YME1L1: variants seen among roughly 807,000 people sequenced by gnomAD.
YME1L1 encodes the protein ATP-dependent zinc metalloprotease YME1L1.
YME1L1 carries 39 observed loss-of-function variants against 90.4 expected under a neutral mutation model. That is an observed-to-expected ratio of 0.43 (90% CI 0.33 to 0.56). The LOEUF is 0.56. Ranked by LOEUF, YME1L1 falls within the 20% of genes least tolerant of loss-of-function variation. The probability of loss-of-function intolerance (pLI) is 0.03; values close to 1 mark genes in which losing one functional copy is unlikely to be tolerated. For synonymous variants in YME1L1, 284 were observed against 287.3 expected, an observed-to-expected ratio of 0.99 and a Z score of 0.12; for missense variants, 617 against 868.4, an observed-to-expected ratio of 0.71 and a Z score of 3.64.
Position 27,123,400 on chromosome 10 carries a change from A to G in YME1L1, c.1102+147T>C, listed in dbSNP as rs932417548. 1.0e-5 allele frequency: 9 copies of G among 893,432 alleles called. No individual in the cohort carries two copies. In the South Asian group the frequency reaches 1.4e-4, roughly 14 times the overall value. The allele number at this position is 893,432 out of a possible 1,614,324, so 55.3% of individuals were successfully genotyped here. On this transcript the variant is annotated intron_variant, in intron 10 of 18. Coordinates refer to ENST00000376016, the MANE Select transcript of YME1L1 (RefSeq NM_014263.4). ...CCCACAATGGCTATTTTAACTATCA[A>G]TCAAAACTAATTAGCATGCAAAGCT...
intron 18 of YME1L1, among the ~76,000 whole-genome samples, chr10:27,113,526 G>T (rs2056780927): frequency 6.6e-6 from 1 of 151,540 alleles, no homozygotes; most frequent in South Asian, 2.1e-4. Flanking sequence ...CAAAAAATTA[G>T]CCAGGCATGG....
intron 8 of YME1L1, among the ~76,000 whole-genome samples, chr10:27,130,810 G>A (rs1163403117): frequency 2.0e-5 from 3 of 152,218 alleles, no homozygotes; most frequent in Non-Finnish European, 4.4e-5. Flanking sequence ...CCGAGATCAC[G>A]CCATTGCACG....
At chr10:27,120,182 T>C (rs2056852437) in intron 13 of YME1L1, among the ~76,000 whole-genome samples, 1 of 152,208 alleles carries the variant, frequency 6.6e-6, no homozygotes, top group Admixed American at 6.6e-5. Flanking sequence ...TGTATGTATA[T>C]GTATGTATCC....
intron 4 of YME1L1, among the ~76,000 whole-genome samples, chr10:27,137,233 T>C (rs1432576747): frequency 6.6e-6 from 1 of 152,218 alleles, no homozygotes; most frequent in Non-Finnish European, 1.5e-5. Context: ...ACACAGGTGC[T>C]CTTTCTATAA....
intron 4 of YME1L1, among the ~76,000 whole-genome samples, chr10:27,139,999 T>C (rs1176800726): frequency 6.6e-6 from 1 of 152,180 alleles, no homozygotes; most frequent in African/African-American, 2.4e-5. Flanking sequence ...TTTCTATCTT[T>C]ATATCTTAAA....
chr10:27,144,689 C>T (rs4749228), intron 3 of YME1L1, among the ~76,000 whole-genome samples: 22,019 of 152,068 alleles, frequency 0.14, 1,913 homozygotes, highest in Admixed American at 0.22. Flanking sequence ...TGTGTGTCAC[C>T]TAAAATTAAA....
chr10:27,145,466 G>C lies in YME1L1; in HGVS notation c.293C>G (p.Ser98Cys). ...GKNISSHWHT[S>C]HVSAQSFFEN... is the part of the protein sequence containing the mutation. ...AAAGAAGGATTGTGCAGAGACATGG[G>C]ATGTATGCCAATGGGAAGAAATGTT... The change falls in exon 3 of 19, where the codon TCC (serine) becomes TGC (cysteine). Residue 98 changes from serine (S) to cysteine (C), a missense_variant. Coordinates refer to ENST00000376016, the MANE Select transcript of YME1L1 (RefSeq NM_014263.4). The C allele has an allele frequency of 1.2e-6, 2 of 1,613,138 alleles. No homozygotes were observed. The highest frequency in any genetic ancestry group is 2.2e-5 in the South Asian group (2 of 90,996).
chr10:27,140,776 C>T (rs1219769208), intron 4 of YME1L1, among the ~76,000 whole-genome samples: 4 of 152,196 alleles, frequency 2.6e-5, no homozygotes, highest in East Asian at 1.9e-4. Context: ...TGTGCCTGGC[C>T]GTATTTAGGT....
intron 13 of YME1L1, 136 bp downstream of exon 13, chr10:27,120,299 C>A: frequency 1.6e-6 from 1 of 613,084 alleles, no homozygotes; most frequent in Non-Finnish European, 2.8e-6. Context: ...TTTAAACGAA[C>A]ATACTAATGG....
At chr10:27,122,355 G>C (rs1021973295) in intron 11 of YME1L1, among the ~76,000 whole-genome samples, 11 of 152,218 alleles carry the variant, frequency 7.2e-5, no homozygotes, top group East Asian at 1.9e-4. Context: ...TTGCTCCTGG[G>C]CTTCCTATGT....
rs929841862 is a variant in YME1L1, at chr10:27,143,095, T to C, written c.332-610A>G. Among the ~76,000 whole-genome samples the C allele has an allele frequency of 2.6e-5, 4 of 151,962 alleles. No homozygotes were observed. The South Asian group carries it at 8.4e-4, about 32-fold the overall frequency. ...ATAAACAGTGATAAAAATGGCCTGG[T>C]GTGGTGGCTCACGCCTGTAATTCCA... On this transcript the variant is annotated intron_variant, in intron 3 of 18. Coordinates refer to ENST00000376016, the MANE Select transcript of YME1L1 (RefSeq NM_014263.4).
intron 2 of YME1L1, chr10:27,147,555 G>C (rs1180694483): frequency 6.2e-7 from 1 of 1,607,846 alleles, no homozygotes; most frequent in Non-Finnish European, 8.5e-7. Context: ...TTGTGTCCAA[G>C]CTCTTCTTCA....
At chr10:27,149,261 T>C (rs765295923) in intron 1 of YME1L1, among the ~76,000 whole-genome samples, 6 of 152,188 alleles carry the variant, frequency 3.9e-5, no homozygotes, top group Non-Finnish European at 5.9e-5. Context: ...CAAAAATACA[T>C]ACATTTCTTG....
chr10:27,116,221 G>C lies in YME1L1; in HGVS notation c.1844C>G (p.Thr615Arg), dbSNP rs748785438. Residue 615 changes from threonine (T) to arginine (R), a missense_variant and splice_region_variant, in exon 16 of 19, where the codon ACA becomes AGA. Thr to Arg is a moderately conservative substitution (Grantham distance 71). Coordinates refer to ENST00000376016, the MANE Select transcript of YME1L1 (RefSeq NM_014263.4). ...TAAAGCCATTCTTTAAAGCTAACCT[G>C]TTGTAATATGGTCGGTTCCAAATAT... ...ELIFGTDHITTGASSDFDNAT... is the reference protein window; with the variant it reads ...ELIFGTDHITRGASSDFDNAT... 6.2e-7 allele frequency: 1 copy of C among 1,614,078 alleles called. No homozygotes were observed.
chr10:27,147,846 G>A (rs566300579), intron 2 of YME1L1, among the ~76,000 whole-genome samples: 2 of 152,250 alleles, frequency 1.3e-5, no homozygotes, highest in Non-Finnish European at 2.9e-5. Context: ...GGCACCACTC[G>A]TGTAACAGCT....
At chr10:27,124,354 T>C (rs2056896468) in intron 9 of YME1L1, among the ~76,000 whole-genome samples, 1 of 152,220 alleles carries the variant, frequency 6.6e-6, no homozygotes, top group South Asian at 2.1e-4. Context: ...AGGATATGGA[T>C]GTTAATTGTA....
chr10:27,142,394 G>A lies in YME1L1; in HGVS notation c.423C>T (p.Tyr141=). The A allele has an allele frequency of 2.7e-6, 4 of 1,488,528 alleles. No individual in the cohort carries two copies. Among genetic ancestry groups the A allele is most frequent in the South Asian group, 2.8e-5 (2 of 70,878 alleles). 92.2% of individuals were successfully genotyped at this position (1,488,528 alleles called of 1,614,324 possible). Residue 141 remains tyrosine (Y), a synonymous_variant, in exon 4 of 19, where the codon TAC becomes TAT. Coordinates refer to ENST00000376016, the MANE Select transcript of YME1L1 (RefSeq NM_014263.4). ...ALQSICSDLQ[Y]WPVFIQSRGF... ...ATGGTTGTTGCTTCATACCTGGCCAGTACTGAAGATCTGAACAAATGCTTT... is the reference window on the plus strand; with the variant it reads ...ATGGTTGTTGCTTCATACCTGGCCAATACTGAAGATCTGAACAAATGCTTT...
At chr10:27,148,770 T>C (rs2057173984) in intron 2 of YME1L1, 136 bp downstream of exon 2, 1 of 1,044,706 alleles carries the variant, frequency 9.6e-7, no homozygotes, top group Non-Finnish European at 1.4e-6. Context: ...GTATTAGTAG[T>C]TAAGTTTCTC....
intron 9 of YME1L1, among the ~76,000 whole-genome samples, chr10:27,125,997 T>C (rs926878953): frequency 6.6e-6 from 1 of 152,164 alleles, no homozygotes; most frequent in Non-Finnish European, 1.5e-5. Context: ...TTTAATATTA[T>C]TCTGGAGTTA....
Sources: gnomAD v4.1 joint callset for allele counts (sites outside exome capture counted in the v4.1 genomes callset) on GRCh38, gnomAD v4.1.1 for gene constraint, MANE v1.5 for transcripts, NCBI Gene and HGNC (gene_info 2026-07-23, HGNC 2026-07-21) for gene names.